The following CHSY1 variants were observed in gnomAD, a reference collection of about 807,000 sequenced individuals.
CHSY1 encodes N-acetylgalactosaminyl-proteoglycan 3-beta-glucuronosyltransferase 1.
In CHSY1, 13 loss-of-function variants were observed where a neutral mutation model predicts 59.8. The observed-to-expected ratio is 0.22, with a 90% CI of 0.14 to 0.35. The LOEUF (loss-of-function observed/expected upper bound fraction) is 0.35, where lower values mean the gene tolerates loss of function less well. Ranked by LOEUF, CHSY1 falls within the 10% of genes least tolerant of loss-of-function variation. The pLI is 1.00. For missense variants in CHSY1, 947 were observed against 1,030.6 expected (o/e 0.92, Z 1.11); for synonymous variants, 459 against 401.2 (o/e 1.14, Z -1.72).
At chr15:101,209,847 C>A (rs2038666190) in intron 2 of CHSY1, among the ~76,000 whole-genome samples, 1 of 152,192 alleles carries the variant, frequency 6.6e-6, no homozygotes, top group Non-Finnish European at 1.5e-5. Flanking sequence ...AAAAAGAAAT[C>A]TACTGGCATG....
chr15:101,213,387 G>A (rs1182098025), intron 2 of CHSY1, among the ~76,000 whole-genome samples: 2 of 152,050 alleles, frequency 1.3e-5, no homozygotes, highest in African/African-American at 4.8e-5. Context: ...ACAAATGGTA[G>A]AGGAAGGAAA....
chr15:101,227,542 T>C (rs543613757), intron 2 of CHSY1, among the ~76,000 whole-genome samples: 1 of 152,228 alleles, frequency 6.6e-6, no homozygotes, highest in South Asian at 2.1e-4. Context: ...AGATGCAATA[T>C]GGGGTTTTGA....
chr15:101,222,788 G>C (rs536145785), intron 2 of CHSY1, among the ~76,000 whole-genome samples: 10 of 146,264 alleles, frequency 6.8e-5, no homozygotes, highest in South Asian at 2.1e-4. Flanking sequence ...CCATCATGGT[G>C]GGGGGGGTAC....
intron 2 of CHSY1, among the ~76,000 whole-genome samples, chr15:101,222,081 A>G (rs2038794858): frequency 6.6e-6 from 1 of 152,192 alleles, no homozygotes; most frequent in African/African-American, 2.4e-5. Flanking sequence ...AGCACATTAT[A>G]AGCTTGCTCA....
intron 1 of CHSY1, among the ~76,000 whole-genome samples, chr15:101,241,148 T>C (rs1213733767): frequency 6.6e-6 from 1 of 152,206 alleles, no homozygotes; most frequent in Non-Finnish European, 1.5e-5. Context: ...CAGGCTGGAG[T>C]GCAACAGCGT....
At chr15:101,214,880 G>A (rs2038716166) in intron 2 of CHSY1, among the ~76,000 whole-genome samples, 1 of 150,846 alleles carries the variant, frequency 6.6e-6, no homozygotes, top group Non-Finnish European at 1.5e-5. Context: ...TGCATAGGTG[G>A]GAGGTGGCTG....
intron 2 of CHSY1, among the ~76,000 whole-genome samples, chr15:101,218,657 A>T (rs1347745194): frequency 3.9e-5 from 6 of 152,226 alleles, no homozygotes; most frequent in Non-Finnish European, 5.9e-5. Context: ...GCTCATGCCA[A>T]CAGAAGGCTG....
chr15:101,205,929 G>A (rs949488972), intron 2 of CHSY1, among the ~76,000 whole-genome samples: 12 of 151,836 alleles, frequency 7.9e-5, no homozygotes, highest in Non-Finnish European at 1.6e-4. Flanking sequence ...TCCAGCCTGG[G>A]CGAAAGAGAG....
intron 2 of CHSY1, among the ~76,000 whole-genome samples, chr15:101,180,719 T>C (rs2038265572): frequency 6.6e-6 from 1 of 152,200 alleles, no homozygotes; most frequent in Non-Finnish European, 1.5e-5. Context: ...CGGGACTCCT[T>C]CAAGCCCTGA....
chr15:101,217,549 G>A (rs74040392), intron 2 of CHSY1, among the ~76,000 whole-genome samples: 1,687 of 152,224 alleles, frequency 0.011, 24 homozygotes, highest in African/African-American at 0.035. Context: ...GGAAATACAC[G>A]AGATGAGCCT....
chr15:101,234,603 T>C (rs544136726), intron 2 of CHSY1, among the ~76,000 whole-genome samples: 41 of 152,316 alleles, frequency 2.7e-4, no homozygotes, highest in African/African-American at 9.9e-4. Context: ...GCGCCGTGGC[T>C]CACGCCTGTA....
chr15:101,236,156 C>T (rs1290249536), intron 1 of CHSY1, among the ~76,000 whole-genome samples: 3 of 152,158 alleles, frequency 2.0e-5, no homozygotes, highest in Non-Finnish European at 2.9e-5. Flanking sequence ...ACCAACAGAA[C>T]AGGGAGCCTT....
chr15:101,250,962 C>T (rs910617224), intron 1 of CHSY1, among the ~76,000 whole-genome samples, 175 bp downstream of exon 1: 2 of 152,234 alleles, frequency 1.3e-5, no homozygotes, highest in Admixed American at 6.5e-5. Context: ...CGCTCACCAT[C>T]CCGCCTCTGA....
chr15:101,248,837 A>AGT (rs1185013674), intron 1 of CHSY1, among the ~76,000 whole-genome samples: 9 of 152,098 alleles, frequency 5.9e-5, no homozygotes, highest in Admixed American at 2.6e-4. Flanking sequence ...CCCAGGATGG[A>AGT]GCGCAGTGAC....
intron 2 of CHSY1, among the ~76,000 whole-genome samples, chr15:101,201,352 C>T (rs2038572513): frequency 6.6e-6 from 1 of 152,194 alleles, no homozygotes; most frequent in Non-Finnish European, 1.5e-5. Flanking sequence ...TGAATATCAA[C>T]GTTAAGGCAT....
intron 1 of CHSY1, among the ~76,000 whole-genome samples, chr15:101,249,758 G>A (rs1199801370): frequency 6.6e-6 from 1 of 152,008 alleles, no homozygotes. Flanking sequence ...CAGGCGATCC[G>A]CCCGCCTCGG....
intron 2 of CHSY1, among the ~76,000 whole-genome samples, chr15:101,182,223 C>T (rs777681737): frequency 2.6e-5 from 4 of 152,162 alleles, no homozygotes; most frequent in Non-Finnish European, 4.4e-5. Flanking sequence ...ATGGGTCCCA[C>T]GGTGTTATTC....
intron 2 of CHSY1, among the ~76,000 whole-genome samples, chr15:101,211,728 T>C (rs1340027122): frequency 6.6e-6 from 1 of 151,760 alleles, no homozygotes; most frequent in Non-Finnish European, 1.5e-5. Flanking sequence ...GGAGAAATAA[T>C]CCTAAATACA....
rs562137235 is a variant in CHSY1, at chr15:101,219,996, C to T, written c.816+15086G>A. On this transcript the variant is annotated intron_variant, in intron 2 of 2. Coordinates refer to ENST00000254190, the MANE Select transcript of CHSY1 (RefSeq NM_014918.5). Reference sequence around the variant, plus strand: ...CTTCAACTCCTGACCTCAGGGGATCCGCCTGCCTCGGCCTCCCAAAGTGCT... The same window carrying T: ...CTTCAACTCCTGACCTCAGGGGATCTGCCTGCCTCGGCCTCCCAAAGTGCT... 5.9e-5 allele frequency among the ~76,000 whole-genome samples: 9 copies of T among 152,224 alleles called. No individual in the cohort carries two copies. In the East Asian group the frequency reaches 9.6e-4, roughly 16 times the overall value.
Sources: gnomAD v4.1 joint callset for allele counts (sites outside exome capture counted in the v4.1 genomes callset) on GRCh38, gnomAD v4.1.1 for gene constraint, MANE v1.5 for transcripts, NCBI Gene and HGNC (gene_info 2026-07-23, HGNC 2026-07-21) for gene names.